TMSB15B: variants seen among roughly 807,000 people sequenced by gnomAD.
TMSB15B encodes thymosin beta-15B.
At chrX:103,938,216 C>T (rs2075003583) in intron 1 of TMSB15B, among the ~76,000 whole-genome samples, 1 of 111,358 alleles carries the variant, frequency 9.0e-6, no homozygotes, top group Non-Finnish European at 1.9e-5. Context: ...TTTGAACATT[C>T]TTGTTAATTT....
intron 1 of TMSB15B, among the ~76,000 whole-genome samples, chrX:103,949,223 G>A (rs1341278666): frequency 2.7e-5 from 3 of 111,850 alleles, no homozygotes; most frequent in Non-Finnish European, 5.6e-5. Flanking sequence ...AAAATGTCAG[G>A]CTTCTGCAGG....
intron 1 of TMSB15B, among the ~76,000 whole-genome samples, chrX:103,924,894 A>C (rs1361517886): frequency 9.0e-6 from 1 of 111,094 alleles, no homozygotes; most frequent in Admixed American, 9.6e-5. Context: ...CTTTGAATTC[A>C]TGTCAAGGGG....
chrX:103,928,462 A>C, intron 1 of TMSB15B: 2 of 1,204,326 alleles, frequency 1.7e-6, no homozygotes, highest in Non-Finnish European at 2.3e-6. Flanking sequence ...TGCAGGGATC[A>C]TGTCTGGCCT....
At chrX:103,925,850 G>C (rs782747479) in intron 1 of TMSB15B, among the ~76,000 whole-genome samples, 1 of 112,070 alleles carries the variant, frequency 8.9e-6, no homozygotes, top group Non-Finnish European at 1.9e-5. Context: ...ACATTATTGC[G>C]CTCTGAGGTA....
intron 1 of TMSB15B, among the ~76,000 whole-genome samples, chrX:103,920,401 T>TTTTAAACAGCCCCA (rs1422061517): frequency 7.1e-5 from 8 of 111,993 alleles, no homozygotes; most frequent in Non-Finnish European, 1.3e-4. Context: ...AGCCCCATAG[T>TTTTAAACAGCCCCA]TGATTCTGAG....
intron 1 of TMSB15B, chrX:103,931,425 A>G (rs2074984562): frequency 9.0e-6 from 1 of 111,483 alleles, no homozygotes. Context: ...CCTATTATTA[A>G]TGTTTCTCCC....
intron 1 of TMSB15B, among the ~76,000 whole-genome samples, chrX:103,947,764 T>C (rs1556327635): frequency 1.8e-5 from 2 of 111,952 alleles, no homozygotes; most frequent in Non-Finnish European, 3.8e-5. Flanking sequence ...AGAAGCAATA[T>C]TTGAAAAACA....
At chrX:103,921,345 TGACTCTTGCCTCCCAGAA>T (rs1556317768) in intron 1 of TMSB15B, among the ~76,000 whole-genome samples, 2 of 112,205 alleles carry the variant, frequency 1.8e-5, no homozygotes, top group Non-Finnish European at 3.8e-5. Flanking sequence ...CCGTGACATC[TGACTCTTGCCTCCCAGAA>T]GACTCTTGTT....
chrX:103,927,864 A>G (rs1602435085), intron 1 of TMSB15B, among the ~76,000 whole-genome samples: 1 of 111,291 alleles, frequency 9.0e-6, no homozygotes, highest in East Asian at 2.8e-4. Flanking sequence ...TCTGTCCAGA[A>G]AAACCGATTG....
At chrX:103,926,147 C>T (rs1338850352) in intron 1 of TMSB15B, among the ~76,000 whole-genome samples, 2 of 110,099 alleles carry the variant, frequency 1.8e-5, no homozygotes, top group Non-Finnish European at 3.8e-5. Flanking sequence ...AGTGTACTGG[C>T]CATGAGCGTT....
chrX:103,929,890 T>C (rs1231827172), intron 1 of TMSB15B, among the ~76,000 whole-genome samples: 18 of 110,400 alleles, frequency 1.6e-4, no homozygotes, highest in African/African-American at 5.9e-4. Context: ...TATTATACTT[T>C]AAGTTTTAGG....
At chrX:103,920,835 C>G (rs1328283115) in intron 1 of TMSB15B, among the ~76,000 whole-genome samples, 4 of 112,426 alleles carry the variant, frequency 3.6e-5, no homozygotes, top group Non-Finnish European at 7.5e-5. Context: ...CATCACTGGC[C>G]CCAGAGAAGG....
At chrX:103,929,582 G>T (rs1426472697) in intron 1 of TMSB15B, among the ~76,000 whole-genome samples, 1 of 111,953 alleles carries the variant, frequency 8.9e-6, no homozygotes, top group African/African-American at 3.2e-5. Flanking sequence ...AATTAGGCTT[G>T]CATGAACTCG....
intron 1 of TMSB15B, among the ~76,000 whole-genome samples, chrX:103,937,318 GC>G (rs1179335594): frequency 8.9e-6 from 1 of 111,924 alleles, no homozygotes; most frequent in Non-Finnish European, 1.9e-5. Flanking sequence ...AGGTTGGTAG[GC>G]TATTAATTAC....
intron 1 of TMSB15B, among the ~76,000 whole-genome samples, chrX:103,945,441 T>C (rs1462659832): frequency 5.4e-5 from 6 of 111,534 alleles, no homozygotes; most frequent in Non-Finnish European, 9.4e-5. Flanking sequence ...AGATGCAACC[T>C]CACTTTACAA....
At chrX:103,930,987 C>T (rs1421435149) in intron 1 of TMSB15B, 1 of 111,138 alleles carries the variant, frequency 9.0e-6, no homozygotes, top group African/African-American at 3.3e-5. Flanking sequence ...CCTTACTGAA[C>T]CAAATTTGTC....
At chrX:103,921,562 A>C (rs1359974055) in intron 1 of TMSB15B, among the ~76,000 whole-genome samples, 4 of 111,610 alleles carry the variant, frequency 3.6e-5, no homozygotes, top group African/African-American at 9.8e-5. Context: ...GGATGGGGGG[A>C]GTATTTGCAA....
chrX:103,955,807 A>G (rs1402011966), intron 1 of TMSB15B, among the ~76,000 whole-genome samples: 1 of 111,034 alleles, frequency 9.0e-6, no homozygotes, highest in Non-Finnish European at 1.9e-5. Flanking sequence ...CCAGTAAGAT[A>G]CTCCACGAGA....
chrX:103,945,561 C>A (rs782320457), intron 1 of TMSB15B, among the ~76,000 whole-genome samples: 4 of 112,417 alleles, frequency 3.6e-5, no homozygotes, highest in African/African-American at 1.3e-4. Context: ...GACCCAGAAG[C>A]CTGTTAAATA....
Sources: gnomAD v4.1 joint callset for allele counts (sites outside exome capture counted in the v4.1 genomes callset) on GRCh38, gnomAD v4.1.1 for gene constraint, MANE v1.5 for transcripts, NCBI Gene and HGNC (gene_info 2026-07-23, HGNC 2026-07-21) for gene names.